KCNK5: variants seen among roughly 807,000 people sequenced by gnomAD.
KCNK5 encodes potassium two pore domain channel subfamily K member 5.
In KCNK5, 18 loss-of-function variants were observed where a neutral mutation model predicts 32.9. That is an observed-to-expected ratio of 0.55 (90% CI 0.38 to 0.81). KCNK5 has a LOEUF of 0.81. Among genes scored for constraint, KCNK5 ranks in the 30% least tolerant of loss-of-function variants. The probability of loss-of-function intolerance (pLI) is 0.00; values close to 1 mark genes in which losing one functional copy is unlikely to be tolerated. For synonymous variants in KCNK5, 276 were observed against 275.3 expected, an observed-to-expected ratio of 1.00 and a Z score of -0.03; for missense variants, 507 against 651.0, an observed-to-expected ratio of 0.78 and a Z score of 2.41.
At chr6:39,193,996 C>T (rs1327763947) in intron 4 of KCNK5, among the ~76,000 whole-genome samples, 173 bp downstream of exon 4, 2 of 152,124 alleles carry the variant, frequency 1.3e-5, no homozygotes, top group Non-Finnish European at 2.9e-5. Context: ...AGTTTTTTGT[C>T]ATTACTCTGG....
At chr6:39,207,008 A>G (rs1213903794) in intron 1 of KCNK5, among the ~76,000 whole-genome samples, 2 of 152,214 alleles carry the variant, frequency 1.3e-5, no homozygotes, top group African/African-American at 4.8e-5. Flanking sequence ...TGTGGCCTCC[A>G]GAGCTGGGGA....
At position 39,195,860 on chromosome 6, in the gene KCNK5, G is replaced by C; in HGVS notation, c.298+16C>G. ...GGGCATGGATGTGGGTGTCCTACAGGTCCCAGAAGACTTACCAATGGTGGT... is the reference window on the plus strand; with the variant it reads ...GGGCATGGATGTGGGTGTCCTACAGCTCCCAGAAGACTTACCAATGGTGGT... On this transcript the variant is annotated intron_variant, in intron 2 of 4. Transcript: ENST00000359534. 6.3e-7 allele frequency: 1 copy of C among 1,597,166 alleles called. No homozygotes were observed. The highest frequency in any genetic ancestry group is 1.1e-5 in the South Asian group (1 of 90,264).
Position 39,229,143 on chromosome 6 carries a change from C to T in KCNK5, c.-32G>A, listed in dbSNP as rs1771725354. The T allele has an allele frequency of 6.2e-7, 1 of 1,609,154 alleles. No individual in the cohort carries two copies. The highest frequency in any genetic ancestry group is 1.7e-5 in the Admixed American group (1 of 59,718). ...CGAGCGGCCGCCTCCTAGAGAAAGC[C>T]TCTCCTAGCCCCAGCTGCTACCAGT... is the stretch of plus-strand genomic sequence containing the variant. On this transcript the variant is annotated 5_prime_UTR_variant, in exon 1 of 5. Coordinates refer to ENST00000359534, the MANE Select transcript of KCNK5 (RefSeq NM_003740.4).
chr6:39,222,323 A>G (rs1189270733), intron 1 of KCNK5, among the ~76,000 whole-genome samples: 1 of 152,222 alleles, frequency 6.6e-6, no homozygotes, highest in Non-Finnish European at 1.5e-5. Flanking sequence ...GAAAACCCAC[A>G]CTACATCACA....
chr6:39,214,808 CA>C (rs1374058814), intron 1 of KCNK5, among the ~76,000 whole-genome samples: 1 of 152,154 alleles, frequency 6.6e-6, no homozygotes, highest in Non-Finnish European at 1.5e-5. Flanking sequence ...CCCAAGCCTA[CA>C]GGAACTTTTC....
chr6:39,226,007 T>G lies in KCNK5; in HGVS notation c.186+2919A>C, dbSNP rs149931772. Reference sequence around the variant, plus strand: ...TTTTATAGACATCTTGCCTAATGTTTCTACTCTATTGGAGCCTCACCAAAC... The same window carrying G: ...TTTTATAGACATCTTGCCTAATGTTGCTACTCTATTGGAGCCTCACCAAAC... On this transcript the variant is annotated intron_variant, in intron 1 of 4. Coordinates refer to ENST00000359534, the MANE Select transcript of KCNK5 (RefSeq NM_003740.4). 3.9e-4 allele frequency among the ~76,000 whole-genome samples: 60 copies of G among 152,350 alleles called. 1 individual carries two copies. In the East Asian group the frequency reaches 0.01, roughly 26 times the overall value.
chr6:39,200,490 G>A (rs1373317638), intron 1 of KCNK5, among the ~76,000 whole-genome samples: 1 of 152,134 alleles, frequency 6.6e-6, no homozygotes, highest in African/African-American at 2.4e-5. Context: ...CTGAGGATTT[G>A]AGGCTTACAG....
intron 1 of KCNK5, among the ~76,000 whole-genome samples, chr6:39,218,886 G>A (rs12524174): frequency 0.081 from 12,292 of 152,270 alleles, 607 homozygotes; most frequent in African/African-American, 0.13. Flanking sequence ...TCACAAGGAA[G>A]GGTCAAGGGG....
intron 1 of KCNK5, 33 bp from the exon 2 acceptor site, chr6:39,196,020 G>A: frequency 6.7e-7 from 1 of 1,496,314 alleles, no homozygotes; most frequent in Non-Finnish European, 9.2e-7. Flanking sequence ...TCAGAGCTGA[G>A]GCCACACTTA....
rs774520727 is a variant in KCNK5, at chr6:39,194,320, C to G, written c.483G>C (p.Thr161=). 1.2e-6 allele frequency: 2 copies of G among 1,610,162 alleles called. No individual in the cohort carries two copies. The highest frequency in any genetic ancestry group is 1.7e-6 in the Non-Finnish European group (2 of 1,177,570). The part of the protein sequence containing the change: ...RGVSLRKAQI[T]CTVIFIVWGV... The stretch of plus-strand genomic sequence containing the variant: ...CCCACACGATGAAGATGACTGTGCA[C>G]GTGATCTGCGCCTTCCGCTGATGGG... Residue 161 remains threonine, a synonymous_variant, in exon 4 of 5, where the codon ACG becomes ACC. Coordinates refer to ENST00000359534, the MANE Select transcript of KCNK5 (RefSeq NM_003740.4). The surrounding 1 kb of genome is among the most constrained non-coding windows in gnomAD (Gnocchi z 4.7).
At position 39,191,339 on chromosome 6, in the gene KCNK5, G is replaced by A. The variant is rs886586058; in HGVS notation, c.1051C>T (p.Arg351Trp). 8 of 1,613,770 alleles carry A rather than the reference G, an allele frequency of 5.0e-6. No homozygotes were observed. Among genetic ancestry groups the A allele is most frequent in the South Asian group, 3.3e-5 (3 of 91,086 alleles). ...GACACCTCTTCCAAGGTGGGCACCCGGTTCTTGGAGTAGACTACCAGGGGC... is the reference window on the plus strand; with the variant it reads ...GACACCTCTTCCAAGGTGGGCACCCAGTTCTTGGAGTAGACTACCAGGGGC... Reference protein sequence around the residue: ...LVPLVVYSKNRVPTLEEVSQT... With the variant: ...LVPLVVYSKNWVPTLEEVSQT... The change falls in exon 5 of 5, where the codon CGG (arginine) becomes TGG (tryptophan). Residue 351 changes from arginine to tryptophan, a missense_variant. By Grantham distance (101) the Arg-to-Trp change is moderately radical. This residue lies in a region of KCNK5 where 252 missense variants were observed against 250.8 expected (regional missense o/e 1.00). Coordinates refer to ENST00000359534, the MANE Select transcript of KCNK5 (RefSeq NM_003740.4). The surrounding 1 kb of genome is among the most constrained non-coding windows in gnomAD (Gnocchi z 5.8).
chr6:39,199,690 C>G (rs1275219048), intron 1 of KCNK5, among the ~76,000 whole-genome samples: 1 of 152,206 alleles, frequency 6.6e-6, no homozygotes, highest in Non-Finnish European at 1.5e-5. Flanking sequence ...GGTCTGCCTG[C>G]CCCTGGGCTG....
chr6:39,208,339 C>T lies in KCNK5; in HGVS notation c.187-12352G>A, dbSNP rs182784794. The stretch of plus-strand genomic sequence containing the variant: ...CCCTGCCTGCTTAATACACAACATT[C>T]CCCTTCCCACCCAAACCGGGCCCCC... On this transcript the variant is annotated intron_variant, in intron 1 of 4. Coordinates refer to ENST00000359534, the MANE Select transcript of KCNK5 (RefSeq NM_003740.4). 7.8e-3 allele frequency among the ~76,000 whole-genome samples: 1,181 copies of T among 152,272 alleles called. 11 individuals carry two copies. Among genetic ancestry groups the T allele is most frequent in the Middle Eastern group, 0.014 (4 of 294 alleles).
At chr6:39,220,814 CACCTGTT>C (rs1771533290) in intron 1 of KCNK5, among the ~76,000 whole-genome samples, 1 of 152,160 alleles carries the variant, frequency 6.6e-6, no homozygotes, top group Non-Finnish European at 1.5e-5. Context: ...CGTAGCCAGT[CACCTGTT>C]ACATGTGCCA....
chr6:39,220,334 C>G (rs1005267914), intron 1 of KCNK5, among the ~76,000 whole-genome samples: 3 of 152,146 alleles, frequency 2.0e-5, no homozygotes, highest in Non-Finnish European at 4.4e-5. Flanking sequence ...CAGCAGGAAA[C>G]CCAAATATTT....
chr6:39,203,979 G>A (rs1347625191), intron 1 of KCNK5, among the ~76,000 whole-genome samples: 1 of 152,148 alleles, frequency 6.6e-6, no homozygotes, highest in Non-Finnish European at 1.5e-5. Flanking sequence ...TGTAGTTTAC[G>A]AGCAAGGTAT....
chr6:39,196,071 G>A (rs1407298998), intron 1 of KCNK5, 84 bp from the exon 2 acceptor site: 1 of 864,514 alleles, frequency 1.2e-6, no homozygotes, highest in East Asian at 2.7e-5. Context: ...CTCCTTGTAA[G>A]CATTTTCATT....
At chr6:39,220,374 T>G (rs1771523379) in intron 1 of KCNK5, among the ~76,000 whole-genome samples, 1 of 152,126 alleles carries the variant, frequency 6.6e-6, no homozygotes, top group South Asian at 2.1e-4. Context: ...GAATGCACAT[T>G]TCAAAGCCAA....
chr6:39,220,214 G>A (rs1562058368), intron 1 of KCNK5, among the ~76,000 whole-genome samples: 1 of 152,170 alleles, frequency 6.6e-6, no homozygotes. Flanking sequence ...AGACTCAGGG[G>A]GCAAGCATCC....
Sources: gnomAD v4.1 joint callset for allele counts (sites outside exome capture counted in the v4.1 genomes callset) on GRCh38, gnomAD v4.1.1 for gene constraint, gnomAD v4.1.1 regional missense constraint, Gnocchi (gnomAD v3.1) non-coding constraint, MANE v1.5 for transcripts, NCBI Gene and HGNC (gene_info 2026-07-23, HGNC 2026-07-21) for gene names.